Variants in RAD23B observed in about 807,000 individuals in gnomAD.
The protein encoded by RAD23B is lysine-specific demethylase RAD23B.
In RAD23B, 5 loss-of-function variants were observed where a neutral mutation model predicts 49.1. That is an observed-to-expected ratio of 0.10 (90% CI 0.05 to 0.21). The LOEUF is 0.21. Among genes scored for constraint, RAD23B ranks in the 10% least tolerant of loss-of-function variants. The pLI is 1.00. For missense variants in RAD23B, 356 were observed against 486.7 expected (o/e 0.73, Z 2.53); for synonymous variants, 184 against 165.4 (o/e 1.11, Z -0.86).
intron 1 of RAD23B, among the ~76,000 whole-genome samples, chr9:107,292,015 A>G (rs1299930485): frequency 6.6e-6 from 1 of 152,218 alleles, no homozygotes. Context: ...GGCTTTTGCC[A>G]TCGGTCTAAG....
At chr9:107,283,873 T>C (rs1833214436) in intron 1 of RAD23B, among the ~76,000 whole-genome samples, 178 bp downstream of exon 1, 1 of 152,086 alleles carries the variant, frequency 6.6e-6, no homozygotes, top group African/African-American at 2.4e-5. Context: ...GTCTTGGCCG[T>C]GGGCTTTGTG....
intron 1 of RAD23B, among the ~76,000 whole-genome samples, chr9:107,290,560 T>A (rs1218463875): frequency 1.3e-5 from 2 of 152,222 alleles, no homozygotes; most frequent in Non-Finnish European, 2.9e-5. Flanking sequence ...TACTTGTGCT[T>A]TGTCCTTAAG....
At chr9:107,327,521 T>C (rs983383907) in intron 9 of RAD23B, among the ~76,000 whole-genome samples, 2 of 152,236 alleles carry the variant, frequency 1.3e-5, no homozygotes, top group Non-Finnish European at 2.9e-5. Context: ...GTTTCTAATT[T>C]AATTCATTCG....
At chr9:107,329,113 TAGGTG>T (rs1284624444) in intron 9 of RAD23B, among the ~76,000 whole-genome samples, 1 of 152,192 alleles carries the variant, frequency 6.6e-6, no homozygotes, top group Non-Finnish European at 1.5e-5. Context: ...AATTTAGAAA[TAGGTG>T]AGGTGGTTAA....
At chr9:107,293,753 C>T (rs1427845192) in intron 1 of RAD23B, among the ~76,000 whole-genome samples, 2 of 152,122 alleles carry the variant, frequency 1.3e-5, no homozygotes, top group Non-Finnish European at 2.9e-5. Flanking sequence ...ATTTTGATGT[C>T]TCATGCATGA....
chr9:107,328,749 G>A (rs1428586266), intron 9 of RAD23B, among the ~76,000 whole-genome samples: 1 of 152,184 alleles, frequency 6.6e-6, no homozygotes, highest in Non-Finnish European at 1.5e-5. Context: ...GCCAGTTCAC[G>A]GTCTTGGGGT....
At chr9:107,313,156 C>T (rs7023656) in intron 5 of RAD23B, among the ~76,000 whole-genome samples, 81,797 of 151,978 alleles carry the variant, frequency 0.54, 22,578 homozygotes, top group Middle Eastern at 0.64. Context: ...TGATCCATAC[C>T]TCAGGCTCTT....
At chr9:107,291,958 A>G (rs1833391204) in intron 1 of RAD23B, among the ~76,000 whole-genome samples, 1 of 152,180 alleles carries the variant, frequency 6.6e-6, no homozygotes, top group Admixed American at 6.5e-5. Flanking sequence ...AAATTACTCA[A>G]GTAATTCAGG....
At chr9:107,288,648 A>G (rs1314998153) in intron 1 of RAD23B, among the ~76,000 whole-genome samples, 3 of 151,972 alleles carry the variant, frequency 2.0e-5, no homozygotes, top group Non-Finnish European at 4.4e-5. Context: ...GGGTTTCATC[A>G]TGTTGCCCTG....
At position 107,306,437 on chromosome 9, in the gene RAD23B, C is replaced by T. The variant is rs780635159; in HGVS notation, c.287C>T (p.Thr96Ile). The T allele has an allele frequency of 6.2e-7, 1 of 1,614,226 alleles. No homozygotes were observed. The highest frequency in any genetic ancestry group is 8.5e-7 in the Non-Finnish European group (1 of 1,180,046). The change falls in exon 4 of 10, where the codon ACT becomes ATT. Residue 96 changes from threonine to isoleucine, a missense_variant. Coordinates refer to ENST00000358015, the MANE Select transcript of RAD23B (RefSeq NM_002874.5). Reference protein sequence around the residue: ...ATTQQSAPASTTAVTSSTTTT... With the variant: ...ATTQQSAPASITAVTSSTTTT... ...ACTCAGCAGTCAGCTCCTGCCAGCA[C>T]TACAGCAGTTACTTCCTCCACCACC...
intron 1 of RAD23B, chr9:107,285,058 G>T: frequency 3.5e-6 from 3 of 868,518 alleles, no homozygotes; most frequent in Non-Finnish European, 3.2e-6. Context: ...CAGCCTTTTT[G>T]GGATTTTGGT....
intron 5 of RAD23B, among the ~76,000 whole-genome samples, chr9:107,312,872 G>A (rs1243832036): frequency 6.6e-6 from 1 of 152,016 alleles, no homozygotes; most frequent in Non-Finnish European, 1.5e-5. Context: ...CACTGCTGCT[G>A]CAGCTGGAAT....
intron 1 of RAD23B, among the ~76,000 whole-genome samples, chr9:107,285,710 C>T (rs186477197): frequency 4.6e-5 from 7 of 152,216 alleles, no homozygotes; most frequent in Admixed American, 1.3e-4. Flanking sequence ...CTACAGCTTT[C>T]GCTGCTATTT....
At chr9:107,284,476 A>G (rs879495294) in intron 1 of RAD23B, among the ~76,000 whole-genome samples, 3 of 152,090 alleles carry the variant, frequency 2.0e-5, no homozygotes, top group Non-Finnish European at 4.4e-5. Context: ...GTAGCAGTTC[A>G]AGGGGGAAAA....
rs368817850 is a variant in RAD23B, at chr9:107,293,839, G to A, written c.67-6302G>A. ...TGCTCTGTTGCTCAGGCTGGAGTAC[G>A]CTGACAAGATTATAGCTCACTCCAA... On this transcript the variant is annotated intron_variant, in intron 1 of 9. Transcript: ENST00000358015. 5.0e-4 allele frequency among the ~76,000 whole-genome samples: 76 copies of A among 152,266 alleles called. 2 individuals carry two copies. In the South Asian group the frequency reaches 7.5e-3, roughly 15 times the overall value.
At chr9:107,284,883 A>G in intron 1 of RAD23B, 1 of 1,264,004 alleles carries the variant, frequency 7.9e-7, no homozygotes, top group Non-Finnish European at 1.0e-6. Context: ...TAGGGATAAT[A>G]CCTGCCTTGC....
intron 6 of RAD23B, among the ~76,000 whole-genome samples, chr9:107,321,130 A>G (rs570608364): frequency 6.6e-6 from 1 of 152,326 alleles, no homozygotes; most frequent in East Asian, 1.9e-4. Flanking sequence ...TTTAAAAGAT[A>G]AGTACTATAA....
chr9:107,292,568 T>C (rs1329365439), intron 1 of RAD23B, among the ~76,000 whole-genome samples: 1 of 150,884 alleles, frequency 6.6e-6, no homozygotes, highest in Non-Finnish European at 1.5e-5. Flanking sequence ...TAGTCTCAGC[T>C]ACTTGGGAGG....
At chr9:107,293,961 T>A (rs984658880) in intron 1 of RAD23B, among the ~76,000 whole-genome samples, 8 of 152,116 alleles carry the variant, frequency 5.3e-5, no homozygotes, top group Non-Finnish European at 8.8e-5. Context: ...ATTAAAAAAA[T>A]TTTTTTGGAG....
Sources: gnomAD v4.1 joint callset for allele counts (sites outside exome capture counted in the v4.1 genomes callset) on GRCh38, gnomAD v4.1.1 for gene constraint, MANE v1.5 for transcripts, NCBI Gene and HGNC (gene_info 2026-07-23, HGNC 2026-07-21) for gene names.